The following SULF1 variants were observed in gnomAD, a reference collection of about 807,000 sequenced individuals.
SULF1 encodes the protein sulfatase 1.
SULF1 carries 46 observed loss-of-function variants against 110.5 expected under a neutral mutation model. The ratio of observed to expected loss-of-function variants is 0.42; its 90% CI spans 0.33 to 0.53. SULF1 has a LOEUF of 0.53. Among genes scored for constraint, SULF1 ranks in the 20% least tolerant of loss-of-function variants. The probability of loss-of-function intolerance (pLI) is 0.12; values close to 1 mark genes in which losing one functional copy is unlikely to be tolerated. For missense variants in SULF1, 941 were observed against 1,094.2 expected (o/e 0.86, Z 1.98); for synonymous variants, 371 against 387.1 (o/e 0.96, Z 0.49).
At chr8:69,552,253 T>C (rs189370045) in intron 3 of SULF1, among the ~76,000 whole-genome samples, 2 of 152,306 alleles carry the variant, frequency 1.3e-5, no homozygotes, top group East Asian at 3.9e-4. Context: ...TGCGTAGCTC[T>C]TTTAAAGTGT....
chr8:69,607,766 A>G (rs183770338), intron 13 of SULF1, among the ~76,000 whole-genome samples: 23 of 152,284 alleles, frequency 1.5e-4, no homozygotes, highest in African/African-American at 5.3e-4. Context: ...CCCTGACTTT[A>G]AAAAAGGAAG....
intron 15 of SULF1, among the ~76,000 whole-genome samples, chr8:69,626,433 C>G (rs925099366): frequency 6.6e-6 from 1 of 152,260 alleles, no homozygotes; most frequent in African/African-American, 2.4e-5. Flanking sequence ...TAGTGGATCC[C>G]GCACAGGGGC....
intron 5 of SULF1, among the ~76,000 whole-genome samples, chr8:69,564,652 C>T (rs1163717188): frequency 6.6e-6 from 1 of 152,228 alleles, no homozygotes; most frequent in Non-Finnish European, 1.5e-5. Context: ...AGAGAATCCA[C>T]TTACTACTAC....
At chr8:69,625,631 C>T (rs1381022646) in intron 15 of SULF1, among the ~76,000 whole-genome samples, 1 of 152,138 alleles carries the variant, frequency 6.6e-6, no homozygotes, top group Non-Finnish European at 1.5e-5. Context: ...TTCGTTCCTC[C>T]CAGTGGGCTC....
intron 15 of SULF1, among the ~76,000 whole-genome samples, chr8:69,625,272 A>G (rs12549880): frequency 0.7 from 106,506 of 152,180 alleles, 37,916 homozygotes; most frequent in African/African-American, 0.81. Context: ...CCTGTTCATG[A>G]GGGTGTGAGC....
intron 1 of SULF1, among the ~76,000 whole-genome samples, chr8:69,474,839 T>C (rs1330352121): frequency 1.3e-5 from 2 of 152,124 alleles, no homozygotes; most frequent in Non-Finnish European, 2.9e-5. Context: ...TTATAAAGAT[T>C]AGATGAGATA....
chr8:69,565,285 A>C (rs1259044045), intron 5 of SULF1, among the ~76,000 whole-genome samples: 1 of 152,076 alleles, frequency 6.6e-6, no homozygotes, highest in Non-Finnish European at 1.5e-5. Flanking sequence ...GAAAGGTGTC[A>C]CACATACATG....
At chr8:69,604,106 G>A (rs1396785561) in intron 12 of SULF1, among the ~76,000 whole-genome samples, 1 of 152,014 alleles carries the variant, frequency 6.6e-6, no homozygotes, top group East Asian at 1.9e-4. Context: ...GTATAATTGT[G>A]ATATATCAAT....
At chr8:69,475,959 C>T (rs1458686112) in intron 1 of SULF1, among the ~76,000 whole-genome samples, 2 of 152,104 alleles carry the variant, frequency 1.3e-5, no homozygotes, top group Non-Finnish European at 2.9e-5. Flanking sequence ...ATTTCTATAA[C>T]TTTGGGGAAG....
At chr8:69,484,052 G>T (rs1809605525) in intron 1 of SULF1, among the ~76,000 whole-genome samples, 1 of 152,168 alleles carries the variant, frequency 6.6e-6, no homozygotes, top group African/African-American at 2.4e-5. Flanking sequence ...CAAGTTTACA[G>T]ACTTGCAGGG....
At chr8:69,578,158 C>G (rs975753326) in intron 6 of SULF1, among the ~76,000 whole-genome samples, 5 of 152,180 alleles carry the variant, frequency 3.3e-5, no homozygotes, top group Admixed American at 3.3e-4. Context: ...TCAGTTGCCT[C>G]TAAGCATGTT....
chr8:69,588,457 A>C (rs778447263), intron 7 of SULF1, among the ~76,000 whole-genome samples: 7 of 152,134 alleles, frequency 4.6e-5, no homozygotes, highest in Non-Finnish European at 1.0e-4. Context: ...TTTCGTTTGA[A>C]GAAAATATCT....
At chr8:69,510,447 C>T (rs1199158431) in intron 3 of SULF1, among the ~76,000 whole-genome samples, 1 of 152,160 alleles carries the variant, frequency 6.6e-6, no homozygotes, top group Non-Finnish European at 1.5e-5. Flanking sequence ...CTTCATTATG[C>T]TGTTCTGAAG....
intron 3 of SULF1, among the ~76,000 whole-genome samples, chr8:69,531,753 A>G (rs1226082184): frequency 1.3e-5 from 2 of 152,158 alleles, no homozygotes; most frequent in Non-Finnish European, 2.9e-5. Flanking sequence ...TTTTAAATGT[A>G]AGCACATTAT....
intron 3 of SULF1, among the ~76,000 whole-genome samples, chr8:69,511,534 A>G (rs150627468): frequency 6.6e-6 from 1 of 152,336 alleles, no homozygotes; most frequent in Non-Finnish European, 1.5e-5. Context: ...GATCTGCCTC[A>G]TCAAAACATC....
intron 10 of SULF1, 39 bp from the exon 11 acceptor site, chr8:69,603,153 G>A (rs1807965389): frequency 2.5e-6 from 4 of 1,610,536 alleles, no homozygotes; most frequent in Non-Finnish European, 8.5e-7. Flanking sequence ...ACCTTCCCCT[G>A]GCATTGGATC....
intron 1 of SULF1, among the ~76,000 whole-genome samples, chr8:69,473,651 A>G (rs921391620): frequency 2.0e-5 from 3 of 152,202 alleles, no homozygotes; most frequent in Non-Finnish European, 4.4e-5. Context: ...ATCCAATCAC[A>G]TTATACCATA....
chr8:69,614,430 C>T lies in SULF1; in HGVS notation c.1378-6605C>T, dbSNP rs756485059. 1.1e-4 allele frequency among the ~76,000 whole-genome samples: 17 copies of T among 152,174 alleles called. 1 individual carries two copies. The South Asian group carries it at 1.2e-3, about 11-fold the overall frequency. ...TGTAGTGAGGATTAAATGAAAAATT[C>T]ATAAAGAGTGCTCTAGAGCAGTACC... On this transcript the variant is annotated intron_variant, in intron 13 of 22. Transcript: ENST00000402687.
At chr8:69,484,598 T>C (rs747111831) in intron 1 of SULF1, among the ~76,000 whole-genome samples, 7 of 152,360 alleles carry the variant, frequency 4.6e-5, no homozygotes, top group Non-Finnish European at 8.8e-5. Flanking sequence ...GCTCTGTGGA[T>C]GTTTCAACAA....
Sources: allele counts gnomAD v4.1 joint callset (sites outside exome capture counted in the v4.1 genomes callset), GRCh38; gene constraint gnomAD v4.1.1; transcripts MANE v1.5; gene names NCBI Gene and HGNC (gene_info 2026-07-23, HGNC 2026-07-21).